Variants in COLQ observed in about 807,000 individuals in gnomAD.
COLQ encodes acetylcholinesterase collagenic tail peptide.
COLQ carries 48 observed loss-of-function variants against 69.0 expected under a neutral mutation model. That is an observed-to-expected ratio of 0.70 (90% CI 0.55 to 0.88). COLQ has a LOEUF of 0.88. Among genes scored for constraint, COLQ ranks in the 40% least tolerant of loss-of-function variants. The pLI is 0.00. For missense variants in COLQ, 618 were observed against 594.6 expected (o/e 1.04, Z -0.41); for synonymous variants, 217 against 211.2 (o/e 1.03, Z -0.24).
chr3:15,470,903 C>A (rs1255023094), intron 10 of COLQ, among the ~76,000 whole-genome samples: 1 of 152,174 alleles, frequency 6.6e-6, no homozygotes, highest in African/African-American at 2.4e-5. Context: ...ATAGAAGAGA[C>A]AAATCATCAC....
intron 10 of COLQ, among the ~76,000 whole-genome samples, 199 bp from the exon 11 acceptor site, chr3:15,470,815 AG>A (rs944580911): frequency 6.6e-6 from 1 of 152,188 alleles, no homozygotes; most frequent in Non-Finnish European, 1.5e-5. Context: ...AGAGGAGGGA[AG>A]GAAGAAGGTA....
intron 11 of COLQ, 29 bp from the exon 12 acceptor site, chr3:15,466,466 T>C (rs1433266330): frequency 6.3e-7 from 1 of 1,588,968 alleles, no homozygotes; most frequent in African/African-American, 1.3e-5. Flanking sequence ...GAGCCTGTTA[T>C]GAAAGCATGA....
chr3:15,496,321 A>C (rs1246597360), intron 1 of COLQ: 1 of 154,550 alleles, frequency 6.5e-6, no homozygotes, highest in East Asian at 2.0e-4. Flanking sequence ...TTAGGAGCCT[A>C]GTTTATTTAC....
chr3:15,518,124 T>C (rs2063087216), intron 1 of COLQ, among the ~76,000 whole-genome samples: 1 of 152,192 alleles, frequency 6.6e-6, no homozygotes, highest in Admixed American at 6.5e-5. Flanking sequence ...TTTGTATTTT[T>C]AGTAGAGACA....
At chr3:15,490,135 C>A (rs1370014595) in intron 1 of COLQ, among the ~76,000 whole-genome samples, 1 of 152,180 alleles carries the variant, frequency 6.6e-6, no homozygotes, top group Non-Finnish European at 1.5e-5. Context: ...CAAACACATT[C>A]ACGTGTCACT....
At chr3:15,470,725 C>A in intron 10 of COLQ, 109 bp from the exon 11 acceptor site, 1 of 1,023,350 alleles carries the variant, frequency 9.8e-7, no homozygotes, top group Non-Finnish European at 1.6e-6. Context: ...TTGATCATTC[C>A]GAATCTATGC....
intron 11 of COLQ, chr3:15,467,991 A>G: frequency 2.2e-6 from 1 of 456,594 alleles, no homozygotes; most frequent in South Asian, 1.5e-5. Context: ...GCCTAGCTGA[A>G]GCATTCCCTG....
intron 10 of COLQ, 94 bp from the exon 11 acceptor site, chr3:15,470,710 T>A: frequency 8.6e-7 from 1 of 1,161,814 alleles, no homozygotes; most frequent in Admixed American, 1.7e-5. Context: ...ACGAGGGCAG[T>A]CTACTTGATC....
At chr3:15,516,913 C>T (rs2063070672) in intron 1 of COLQ, among the ~76,000 whole-genome samples, 1 of 152,110 alleles carries the variant, frequency 6.6e-6, no homozygotes, top group South Asian at 2.1e-4. Context: ...AGGTCAAGGC[C>T]AGCGGATCAC....
At chr3:15,483,365 C>T (rs932822883) in intron 3 of COLQ, among the ~76,000 whole-genome samples, 6 of 152,084 alleles carry the variant, frequency 3.9e-5, no homozygotes, top group African/African-American at 1.4e-4. Flanking sequence ...TATAAATTTC[C>T]CCCTACACAC....
intron 12 of COLQ, among the ~76,000 whole-genome samples, chr3:15,459,033 G>A (rs550809943): frequency 9.2e-5 from 14 of 151,964 alleles, no homozygotes; most frequent in South Asian, 4.2e-4. Context: ...TAGTAGAGAC[G>A]GGGTTTTGCC....
At chr3:15,500,301 C>G (rs975844876) in intron 1 of COLQ, among the ~76,000 whole-genome samples, 1 of 152,162 alleles carries the variant, frequency 6.6e-6, no homozygotes, top group Non-Finnish European at 1.5e-5. Context: ...GTCCTGAGTC[C>G]TAGAGAGTTG....
chr3:15,517,696 C>A (rs1334406198), intron 1 of COLQ, among the ~76,000 whole-genome samples: 8 of 152,108 alleles, frequency 5.3e-5, no homozygotes, highest in African/African-American at 1.9e-4. Flanking sequence ...TTATTACCCA[C>A]CAATGGTTAA....
intron 11 of COLQ, 84 bp downstream of exon 11, chr3:15,470,452 T>C (rs917423877): frequency 5.6e-6 from 7 of 1,250,298 alleles, no homozygotes; most frequent in Non-Finnish European, 8.2e-6. Context: ...ATATCTCTGA[T>C]TAACGCCACC....
intron 1 of COLQ, among the ~76,000 whole-genome samples, chr3:15,516,050 C>T (rs886850515): frequency 2.6e-5 from 4 of 152,162 alleles, no homozygotes; most frequent in African/African-American, 9.7e-5. Flanking sequence ...CTCTCTGTGT[C>T]TGAACAGGAC....
intron 3 of COLQ, among the ~76,000 whole-genome samples, chr3:15,485,981 A>G (rs752501840): frequency 9.2e-5 from 14 of 152,208 alleles, no homozygotes; most frequent in African/African-American, 2.9e-4. Context: ...TAATGATAAT[A>G]ATAATAAATA....
At chr3:15,521,000 C>T (rs527872606) in intron 1 of COLQ, among the ~76,000 whole-genome samples, 1 of 152,294 alleles carries the variant, frequency 6.6e-6, no homozygotes, top group East Asian at 1.9e-4. Flanking sequence ...GCAACTGCCC[C>T]GCCGCTGTTC....
chr3:15,470,555 G>C lies in COLQ; in HGVS notation c.698C>G (p.Pro233Arg). 6.2e-7 allele frequency: 1 copy of C among 1,613,948 alleles called. No homozygotes were observed. Among genetic ancestry groups the C allele is most frequent in the South Asian group, 1.1e-5 (1 of 91,064 alleles). Reference sequence around the variant, plus strand: ...CCTTACCTGCTTGCCTCGTTTTCCTGGTCTTCCTGTGGGTCCTCGGTGTCC... The same window carrying C: ...CCTTACCTGCTTGCCTCGTTTTCCTCGTCTTCCTGTGGGTCCTCGGTGTCC... ...IAGHRGPTGR[P>R]GKRGKQGQKG... The change falls in exon 11 of 17, where the codon CCA becomes CGA. Residue 233 changes from proline to arginine, a missense_variant. Coordinates refer to ENST00000383788, the MANE Select transcript of COLQ (RefSeq NM_005677.4).
At chr3:15,476,058 T>C (rs976087006) in intron 6 of COLQ, among the ~76,000 whole-genome samples, 4 of 152,224 alleles carry the variant, frequency 2.6e-5, no homozygotes, top group African/African-American at 9.6e-5. Context: ...TTTTAATAGA[T>C]CTCCTTTAAT....
Sources: gnomAD v4.1 joint callset for allele counts (sites outside exome capture counted in the v4.1 genomes callset) on GRCh38, gnomAD v4.1.1 for gene constraint, MANE v1.5 for transcripts, NCBI Gene and HGNC (gene_info 2026-07-23, HGNC 2026-07-21) for gene names.